TSPAN14: variants seen among roughly 807,000 people sequenced by gnomAD.
TSPAN14 encodes tetraspanin-14.
Under a neutral mutation model 36.6 loss-of-function variants are expected in TSPAN14, and 16 were observed. The ratio of observed to expected loss-of-function variants is 0.44; its 90% confidence interval spans 0.30 to 0.66. The LOEUF (loss-of-function observed/expected upper bound fraction) is 0.66. Ranked by LOEUF, TSPAN14 falls within the 30% of genes least tolerant of loss-of-function variation. The probability of loss-of-function intolerance (pLI) is 0.12; values close to 1 mark genes in which losing one functional copy is unlikely to be tolerated. For missense variants in TSPAN14, 231 were observed against 355.1 expected, an observed-to-expected ratio of 0.65 and a Z score of 2.81; for synonymous variants, 139 against 143.8, an observed-to-expected ratio of 0.97 and a Z score of 0.24.
exon 9 of TSPAN14, chr10:80,522,353 A>C (rs1000842527): frequency 2.6e-5 from 4 of 152,156 alleles, no homozygotes; most frequent in African/African-American, 9.7e-5. Context: ...TCTACTAAAA[A>C]TACAAAAATT....
At chr10:80,483,230 C>A (rs1847391734) in intron 1 of TSPAN14, among the ~76,000 whole-genome samples, 1 of 152,188 alleles carries the variant, frequency 6.6e-6, no homozygotes, top group South Asian at 2.1e-4. Flanking sequence ...AGGGGCACCT[C>A]CAACCAGCAG....
At position 80,476,738 on chromosome 10, in the gene TSPAN14, G is replaced by GT. The variant is rs1031683454; in HGVS notation, c.-17-12470dup. Among the ~76,000 whole-genome samples the GT allele has an allele frequency of 3.2e-4, 49 of 151,232 alleles. No homozygotes were observed. The South Asian group carries it at 3.6e-3, about 11-fold the overall frequency. On this transcript the variant is annotated intron_variant, in intron 1 of 8. Transcript: ENST00000429989. ...CTTGTATCATTTTTTGTTTTGTTTT[G>GT]TTTTTTTTTATATTTTTCAAATATT...
chr10:80,490,685 G>T (rs1026480514), intron 2 of TSPAN14, among the ~76,000 whole-genome samples: 1 of 152,166 alleles, frequency 6.6e-6, no homozygotes, highest in Non-Finnish European at 1.5e-5. Context: ...GAGAAGTAAA[G>T]AAGTGAAGGG....
At chr10:80,489,065 A>C in intron 1 of TSPAN14, 152 bp from the exon 2 acceptor site, 1 of 585,456 alleles carries the variant, frequency 1.7e-6, no homozygotes, top group Middle Eastern at 4.0e-4. Context: ...TGCATTACCT[A>C]TACCTGGCCT....
intron 1 of TSPAN14, among the ~76,000 whole-genome samples, chr10:80,484,170 G>C (rs1847463600): frequency 6.6e-6 from 1 of 151,656 alleles, no homozygotes; most frequent in Admixed American, 6.6e-5. Context: ...ACTTGAACCA[G>C]GGAGGCGGAG....
chr10:80,493,731 T>C (rs1452082309), intron 2 of TSPAN14, among the ~76,000 whole-genome samples: 1 of 152,208 alleles, frequency 6.6e-6, no homozygotes. Context: ...GAATGTTGGT[T>C]GCTAGGAGCC....
chr10:80,495,990 T>C (rs1408254834), intron 2 of TSPAN14, among the ~76,000 whole-genome samples: 2 of 152,228 alleles, frequency 1.3e-5, no homozygotes, highest in Admixed American at 6.5e-5. Flanking sequence ...TTAAACTCTT[T>C]GGTATCTGAC....
intron 2 of TSPAN14, among the ~76,000 whole-genome samples, chr10:80,499,351 A>G (rs979886492): frequency 9.2e-5 from 14 of 152,152 alleles, no homozygotes; most frequent in African/African-American, 2.9e-4. Context: ...TCATTTGCCT[A>G]AGGTGAAAGG....
At chr10:80,463,538 A>T (rs141231436) in intron 1 of TSPAN14, among the ~76,000 whole-genome samples, 218 of 152,312 alleles carry the variant, frequency 1.4e-3, no homozygotes, top group Non-Finnish European at 2.2e-3. Flanking sequence ...AATTTATCCC[A>T]GGATTGTTCC....
chr10:80,517,815 C>G, intron 8 of TSPAN14, 90 bp from the exon 9 acceptor site: 4 of 1,240,288 alleles, frequency 3.2e-6, no homozygotes, highest in Non-Finnish European at 4.6e-6. Context: ...GAGAGGCGTG[C>G]AGTGGGAGCT....
At chr10:80,489,488 G>A (rs1313513966) in intron 2 of TSPAN14, among the ~76,000 whole-genome samples, 174 bp downstream of exon 2, 3 of 152,236 alleles carry the variant, frequency 2.0e-5, no homozygotes, top group African/African-American at 7.2e-5. Flanking sequence ...GATGGGGGAA[G>A]GCCAAAGGCC....
chr10:80,514,585 A>G (rs972988871), intron 7 of TSPAN14, among the ~76,000 whole-genome samples: 2 of 152,060 alleles, frequency 1.3e-5, no homozygotes, highest in Admixed American at 6.5e-5. Flanking sequence ...TCCTTGTTCT[A>G]GTGGTCTTTG....
intron 2 of TSPAN14, among the ~76,000 whole-genome samples, chr10:80,497,718 TG>T (rs1848269118): frequency 6.6e-6 from 1 of 152,210 alleles, no homozygotes; most frequent in Admixed American, 6.5e-5. Context: ...CTCAGGTTCC[TG>T]GGCGGGGCTC....
chr10:80,455,759 G>A (rs1845707992), intron 1 of TSPAN14, among the ~76,000 whole-genome samples: 1 of 152,052 alleles, frequency 6.6e-6, no homozygotes, highest in East Asian at 1.9e-4. Flanking sequence ...GGCCCTGTAT[G>A]CCCTTCTATC....
intron 2 of TSPAN14, among the ~76,000 whole-genome samples, chr10:80,493,918 C>G (rs936525422): frequency 1.3e-5 from 2 of 152,128 alleles, no homozygotes; most frequent in South Asian, 2.1e-4. Context: ...CTAAGTTTGC[C>G]GAGTGAATCC....
exon 6 of TSPAN14, chr10:80,512,218 C>T: frequency 1.2e-6 from 2 of 1,614,224 alleles, no homozygotes; most frequent in Admixed American, 1.7e-5. Context: ...GTGCCAGCTA[C>T]AGCCGAGAGA....
At chr10:80,469,818 C>G (rs998970508) in intron 1 of TSPAN14, among the ~76,000 whole-genome samples, 1 of 152,028 alleles carries the variant, frequency 6.6e-6, no homozygotes, top group East Asian at 1.9e-4. Context: ...GAGCCAGGCC[C>G]TGGGGTGGGC....
intron 1 of TSPAN14, among the ~76,000 whole-genome samples, chr10:80,471,877 C>G (rs1846571464): frequency 6.6e-6 from 1 of 152,178 alleles, no homozygotes. Context: ...ATGAATCATT[C>G]TGAAAATCTC....
intron 1 of TSPAN14, among the ~76,000 whole-genome samples, chr10:80,462,323 C>T (rs752810231): frequency 3.7e-5 from 5 of 136,420 alleles, no homozygotes; most frequent in Admixed American, 1.4e-4. Context: ...TATTTCTGTC[C>T]GCCCTGGTGG....
Sources: gnomAD v4.1 joint callset for allele counts (sites outside exome capture counted in the v4.1 genomes callset) on GRCh38, gnomAD v4.1.1 for gene constraint, MANE v1.5 for transcripts, NCBI Gene and HGNC (gene_info 2026-07-23, HGNC 2026-07-21) for gene names.